TOP6BL: variants seen among roughly 807,000 people sequenced by gnomAD.
TOP6BL encodes type 2 DNA topoisomerase 6 subunit B-like.
the TOP6BL span, chr11:66,758,214 C>T: frequency 1.3e-6 from 1 of 797,794 alleles, no homozygotes; most frequent in Non-Finnish European, 1.5e-6. Flanking sequence ...ACTGTCTACC[C>T]TGAATAATTA....
the TOP6BL span, chr11:66,816,231 G>A: frequency 6.3e-7 from 1 of 1,588,046 alleles, no homozygotes; most frequent in Non-Finnish European, 8.6e-7. Context: ...TGCCAGCTGG[G>A]GTGTGCCAAA....
chr11:66,745,718 A>G, the TOP6BL span, among the ~76,000 whole-genome samples: 2 of 152,240 alleles, frequency 1.3e-5, no homozygotes, highest in African/African-American at 4.8e-5. Context: ...CCTAGGCTAG[A>G]ACCCAGGGCG....
At chr11:66,765,990 A>T in the TOP6BL span, among the ~76,000 whole-genome samples, 1 of 152,160 alleles carries the variant, frequency 6.6e-6, no homozygotes, top group Non-Finnish European at 1.5e-5. Flanking sequence ...AACTGCTTTA[A>T]ATTGGTCCAT....
At chr11:66,840,039 AG>A in the TOP6BL span, among the ~76,000 whole-genome samples, 3 of 152,178 alleles carry the variant, frequency 2.0e-5, no homozygotes, top group African/African-American at 4.8e-5. Context: ...TTTAAAATCT[AG>A]GTGTTTATAA....
chr11:66,823,737 A>G, the TOP6BL span, among the ~76,000 whole-genome samples: 2 of 152,136 alleles, frequency 1.3e-5, no homozygotes, highest in African/African-American at 4.8e-5. Context: ...GAATTGCTGA[A>G]ACCCGGGAGG....
the TOP6BL span, chr11:66,804,015 T>C: frequency 2.5e-6 from 4 of 1,605,374 alleles, no homozygotes; most frequent in Middle Eastern, 1.7e-4. Flanking sequence ...TTTGGTACAA[T>C]TGAATCACAC....
At chr11:66,823,074 G>C in the TOP6BL span, among the ~76,000 whole-genome samples, 1 of 151,680 alleles carries the variant, frequency 6.6e-6, no homozygotes, top group African/African-American at 2.4e-5. Flanking sequence ...GCGGGTGGAT[G>C]ACCTGAGGTC....
chr11:66,782,792 A>G, the TOP6BL span, among the ~76,000 whole-genome samples: 1 of 152,164 alleles, frequency 6.6e-6, no homozygotes, highest in Non-Finnish European at 1.5e-5. Flanking sequence ...GCCCCAGTAC[A>G]TAGTTTTGCT....
chr11:66,788,561 G>C, the TOP6BL span, among the ~76,000 whole-genome samples: 1 of 152,144 alleles, frequency 6.6e-6, no homozygotes, highest in Non-Finnish European at 1.5e-5. Flanking sequence ...AAGCAATAGA[G>C]ATTTATTTTC....
chr11:66,756,787 C>T, the TOP6BL span, among the ~76,000 whole-genome samples: 2 of 152,142 alleles, frequency 1.3e-5, no homozygotes, highest in Non-Finnish European at 2.9e-5. Context: ...TCACGGCTCA[C>T]TACAACCTCT....
At chr11:66,822,529 C>A in the TOP6BL span, 1 of 1,347,862 alleles carries the variant, frequency 7.4e-7, no homozygotes, top group Non-Finnish European at 1.0e-6. Context: ...TCTTGGGATT[C>A]ATGCAGTCTC....
the TOP6BL span, among the ~76,000 whole-genome samples, chr11:66,805,715 A>G: frequency 6.6e-6 from 1 of 152,026 alleles, no homozygotes; most frequent in Non-Finnish European, 1.5e-5. Context: ...TCGGCCTCCC[A>G]AAGTTTTGGG....
chr11:66,776,468 A>G, the TOP6BL span, among the ~76,000 whole-genome samples: 2 of 152,282 alleles, frequency 1.3e-5, no homozygotes, highest in Non-Finnish European at 2.9e-5. Context: ...TTAAACAAGG[A>G]AATTAAACAA....
chr11:66,756,522 C>T, the TOP6BL span: 3 of 1,029,496 alleles, frequency 2.9e-6, no homozygotes, highest in Non-Finnish European at 3.5e-6. Flanking sequence ...AGTGCTTCCA[C>T]CTGCTCCACA....
chr11:66,788,009 A>G, the TOP6BL span: 1 of 551,660 alleles, frequency 1.8e-6, no homozygotes, highest in Non-Finnish European at 3.3e-6. Context: ...TTGCTGATGC[A>G]TAGCCATTTC....
chr11:66,796,247 A>G, the TOP6BL span: 35 of 1,434,260 alleles, frequency 2.4e-5, no homozygotes, highest in Middle Eastern at 1.8e-4. Context: ...GAGATTGTGT[A>G]TGTGTGGTAG....
chr11:66,802,956 TATTA>T, the TOP6BL span, among the ~76,000 whole-genome samples: 4 of 152,176 alleles, frequency 2.6e-5, no homozygotes, highest in South Asian at 2.1e-4. Context: ...ATTTCCTCTC[TATTA>T]ATTAATTCAT....
chr11:66,825,812 A>G, the TOP6BL span, among the ~76,000 whole-genome samples: 7 of 151,206 alleles, frequency 4.6e-5, no homozygotes, highest in Non-Finnish European at 8.8e-5. Flanking sequence ...GGTATTATCA[A>G]TGGGCAACTT....
the TOP6BL span, among the ~76,000 whole-genome samples, chr11:66,746,118 A>G: frequency 6.6e-6 from 1 of 152,168 alleles, no homozygotes; most frequent in Admixed American, 6.5e-5. Flanking sequence ...CGATATGGGA[A>G]TATCGTAACA....
Sources: gnomAD v4.1 joint callset for allele counts (sites outside exome capture counted in the v4.1 genomes callset) on GRCh38, gnomAD v4.1.1 for gene constraint, MANE v1.5 for transcripts, NCBI Gene and HGNC (gene_info 2026-07-23, HGNC 2026-07-21) for gene names.